The following FREM2 variants were observed in gnomAD, a reference collection of about 807,000 sequenced individuals.
FREM2 encodes FRAS1 related extracellular matrix 2.
Under a neutral mutation model 219.9 loss-of-function variants are expected in FREM2, and 119 were observed. The observed-to-expected ratio is 0.54, with a 90% CI of 0.47 to 0.63. FREM2 has a LOEUF of 0.63. Ranked by LOEUF, FREM2 falls within the 30% of genes least tolerant of loss-of-function variation. FREM2 has a pLI of 0.00. For synonymous variants in FREM2, 1,562 were observed against 1,522.8 expected (o/e 1.03, Z -0.60); for missense variants, 4,030 against 3,993.6 (o/e 1.01, Z -0.25).
In FREM2 at chr13:38,885,793, A is replaced by G. The variant is rs1045873258; in HGVS notation, c.*5006A>G. The G allele has an allele frequency of 6.6e-6, 1 of 152,204 alleles. No homozygotes were observed. Among genetic ancestry groups the G allele is most frequent in the Non-Finnish European group, 1.5e-5 (1 of 68,014 alleles). 9.4% of individuals were successfully genotyped at this position (152,204 alleles called of 1,614,324 possible). A position where few individuals can be genotyped will look rare whatever the true frequency, so the allele number is the denominator to read the frequency against. On this transcript the variant is annotated 3_prime_UTR_variant, in exon 24 of 24. Coordinates refer to ENST00000280481, the MANE Select transcript of FREM2 (RefSeq NM_207361.6). ...TTGATTTTTCTCTCAATGGAGGTTC[A>G]ACATTGACATTTAAGATGTAAAAAA...
rs144363148 is a variant in FREM2 at position 38,872,790 on chromosome 13, G to A, written c.8032G>A (p.Val2678Ile). 1.5e-5 allele frequency: 24 copies of A among 1,613,898 alleles called. No homozygotes were observed. Among genetic ancestry groups the A allele is most frequent in the Non-Finnish European group, 1.9e-5 (23 of 1,179,928 alleles). Residue 2678 changes from valine (V) to isoleucine (I), a missense_variant, in exon 17 of 24, where the codon GTT (valine) becomes ATT (isoleucine). By Grantham distance (29) the Val-to-Ile change is conservative (BLOSUM62 3). Coordinates refer to ENST00000280481, the MANE Select transcript of FREM2 (RefSeq NM_207361.6). The stretch of plus-strand genomic sequence containing the variant: ...TGTGACCCTTCGAGTCCCTCTGTAT[G>A]TTTCCTACGTGTTCCATTCCCCCGT... ...SYVTLRVPLYVSYVFHSPVGV... is the reference protein window; with the variant it reads ...SYVTLRVPLYISYVFHSPVGV...
rs755852945 is a variant in FREM2 at position 38,859,312 on chromosome 13, A to G, written c.7241A>G (p.Tyr2414Cys). The G allele has an allele frequency of 6.2e-7, 1 of 1,614,208 alleles. No homozygotes were observed. Among genetic ancestry groups the G allele is most frequent in the Non-Finnish European group, 8.5e-7 (1 of 1,180,020 alleles). The change falls in exon 14 of 24, where the codon TAC becomes TGC. Residue 2414 changes from tyrosine (Y) to cysteine (C), a missense_variant. Tyr to Cys is a radical substitution (Grantham distance 194, BLOSUM62 -2). This residue lies in a region of FREM2 where 928 missense variants were observed against 1,042.9 expected (regional missense o/e 0.89). Transcript: ENST00000280481. Reference sequence around the variant, plus strand: ...GCTTGCAACCCCAAATATTCAGACTACGATAAAACAGGCTCTATCTGTGCA... The same window carrying G: ...GCTTGCAACCCCAAATATTCAGACTGCGATAAAACAGGCTCTATCTGTGCA... ...ITACNPKYSD[Y>C]DKTGSICASE...
chr13:38,805,218 T>C (rs1030084748), intron 6 of FREM2, among the ~76,000 whole-genome samples: 5 of 151,822 alleles, frequency 3.3e-5, no homozygotes, highest in African/African-American at 1.2e-4. Context: ...ATTAATGATA[T>C]AGCAGTGTAC....
chr13:38,809,407 A>C (rs1875386564), intron 6 of FREM2, among the ~76,000 whole-genome samples: 2 of 151,830 alleles, frequency 1.3e-5, no homozygotes, highest in African/African-American at 2.4e-5. Flanking sequence ...TGCCCTGACC[A>C]ATGTCCTGGA....
At chr13:38,868,420 G>C (rs906666600) in intron 16 of FREM2, among the ~76,000 whole-genome samples, 15 of 152,188 alleles carry the variant, frequency 9.9e-5, no homozygotes, top group African/African-American at 3.4e-4. Flanking sequence ...AAGTTTTGAA[G>C]CAAAGAGAAT....
intron 4 of FREM2, among the ~76,000 whole-genome samples, chr13:38,781,576 T>C (rs2483420): frequency 0.025 from 3,777 of 152,246 alleles, 161 homozygotes; most frequent in African/African-American, 0.086. Flanking sequence ...GGCAAGTCGA[T>C]GTCACCCAAT....
rs1415766365 is a variant in FREM2 at position 38,805,943 on chromosome 13, A to G, written c.6019+21135A>G. ...AAATACTGTTGTGTGGTTTCATTCC[A>G]TCATTTTGTAACTCATTTCAGGTAA... On this transcript the variant is annotated intron_variant, in intron 6 of 23. Coordinates refer to ENST00000280481, the MANE Select transcript of FREM2 (RefSeq NM_207361.6). Among the ~76,000 whole-genome samples the G allele has an allele frequency of 3.3e-5, 5 of 151,902 alleles. No individual in the cohort carries two copies. The East Asian group carries it at 1.0e-3, about 30-fold the overall frequency.
chr13:38,868,180 A>T (rs1311189839), intron 16 of FREM2, among the ~76,000 whole-genome samples: 1 of 152,270 alleles, frequency 6.6e-6, no homozygotes, highest in African/African-American at 2.4e-5. Flanking sequence ...TAAAAATTAA[A>T]GTAGAAGAAA....
In FREM2 at chr13:38,713,188, T is replaced by C. The variant is rs57478845; in HGVS notation, c.5263+15401T>C. On this transcript the variant is annotated intron_variant, in intron 2 of 23. Coordinates refer to ENST00000280481, the MANE Select transcript of FREM2 (RefSeq NM_207361.6). ...CCTCAAATTCCTCCACAGTGCTTCA[T>C]AGAGGAAGTCTTTGCATTTGTAAAT... Among the ~76,000 whole-genome samples, 1,422 of 152,320 alleles carry C rather than the reference T, an allele frequency of 9.3e-3. 20 individuals carry two copies. The highest frequency in any genetic ancestry group is 0.032 in the African/African-American group (1,341 of 41,572).
In FREM2 at chr13:38,882,421, A is replaced by G. The variant is rs1440728353; in HGVS notation, c.*1634A>G. The G allele has an allele frequency of 6.6e-6, 1 of 152,202 alleles. No homozygotes were observed. The highest frequency in any genetic ancestry group is 2.4e-5 in the African/African-American group (1 of 41,444). 9.4% of individuals were successfully genotyped at this position (152,202 alleles called of 1,614,324 possible). On this transcript the variant is annotated 3_prime_UTR_variant, in exon 24 of 24. Transcript: ENST00000280481. Reference sequence around the variant, plus strand: ...CTTAATTTGGTGTCTGTAAGTATCAACCATTTCTTGATCAAGATAAGGAAG... The same window carrying G: ...CTTAATTTGGTGTCTGTAAGTATCAGCCATTTCTTGATCAAGATAAGGAAG...
intron 16 of FREM2, among the ~76,000 whole-genome samples, chr13:38,868,417 G>A (rs1025083198): frequency 1.3e-5 from 2 of 152,148 alleles, no homozygotes; most frequent in African/African-American, 4.8e-5. Flanking sequence ...TACAAGTTTT[G>A]AAGCAAAGAG....
chr13:38,806,295 G>A (rs760328321), intron 6 of FREM2, among the ~76,000 whole-genome samples: 39 of 151,996 alleles, frequency 2.6e-4, no homozygotes, highest in Non-Finnish European at 3.8e-4. Flanking sequence ...TTTTATAAGG[G>A]AGGAAGTGCG....
intron 6 of FREM2, among the ~76,000 whole-genome samples, chr13:38,820,707 C>A (rs1876009671): frequency 6.6e-6 from 1 of 152,012 alleles, no homozygotes; most frequent in African/African-American, 2.4e-5. Context: ...TTATTGAAAT[C>A]ATAAAACATA....
chr13:38,804,663 A>T lies in FREM2; in HGVS notation c.6019+19855A>T, dbSNP rs550166656. On this transcript the variant is annotated intron_variant, in intron 6 of 23. Coordinates refer to ENST00000280481, the MANE Select transcript of FREM2 (RefSeq NM_207361.6). The stretch of plus-strand genomic sequence containing the variant: ...GAGTGTGATTAAAAGCAATTGTATG[A>T]ATCATTCTGAGTCAGAGGAAGAACA... Among the ~76,000 whole-genome samples the T allele has an allele frequency of 2.6e-5, 4 of 152,330 alleles. No homozygotes were observed. In the East Asian group the frequency reaches 7.7e-4, roughly 29 times the overall value.
At chr13:38,831,191 T>C (rs980024312) in intron 6 of FREM2, among the ~76,000 whole-genome samples, 4 of 152,162 alleles carry the variant, frequency 2.6e-5, no homozygotes, top group Non-Finnish European at 5.9e-5. Flanking sequence ...AGAAAAAATA[T>C]TTTAAGTTTT....
chr13:38,725,762 A>G (rs971158306), intron 2 of FREM2, among the ~76,000 whole-genome samples: 4 of 152,196 alleles, frequency 2.6e-5, no homozygotes, highest in East Asian at 1.9e-4. Context: ...TTGCAGATCT[A>G]TGGAGAGCTG....
At chr13:38,704,414 A>C (rs1870458715) in intron 2 of FREM2, among the ~76,000 whole-genome samples, 1 of 152,194 alleles carries the variant, frequency 6.6e-6, no homozygotes, top group Non-Finnish European at 1.5e-5. Flanking sequence ...AGGCACCTGA[A>C]AGGTGGTATT....
chr13:38,852,931 C>T (rs1877425605), intron 11 of FREM2, among the ~76,000 whole-genome samples: 1 of 151,770 alleles, frequency 6.6e-6, no homozygotes, highest in Non-Finnish European at 1.5e-5. Flanking sequence ...GCCTCAAACT[C>T]CTAGTCTCAA....
At chr13:38,797,341 C>T (rs1290168148) in intron 6 of FREM2, among the ~76,000 whole-genome samples, 1 of 152,026 alleles carries the variant, frequency 6.6e-6, no homozygotes, top group Admixed American at 6.6e-5. Context: ...ATTTACATTT[C>T]CCTGATGCTT....
Sources: gnomAD v4.1 joint callset for allele counts (sites outside exome capture counted in the v4.1 genomes callset) on GRCh38, gnomAD v4.1.1 for gene constraint, gnomAD v4.1.1 regional missense constraint, MANE v1.5 for transcripts, NCBI Gene and HGNC (gene_info 2026-07-23, HGNC 2026-07-21) for gene names.